The following SLFN12L variants were observed in gnomAD, a reference collection of about 807,000 sequenced individuals.
SLFN12L encodes schlafen family member 12 like, also known as schlafen family member 12-like.
SLFN12L carries 34 observed loss-of-function variants against 34.8 expected under a neutral mutation model. That is an observed-to-expected ratio of 0.98 (90% CI 0.74 to 1.30). SLFN12L has a LOEUF of 1.30. SLFN12L is among the 50% of genes most tolerant of loss of function. The pLI is 0.00. For missense variants in SLFN12L, 703 were observed against 696.2 expected, an observed-to-expected ratio of 1.01 and a Z score of -0.11; for synonymous variants, 259 against 247.5, an observed-to-expected ratio of 1.05 and a Z score of -0.44.
At position 35,526,821 on chromosome 17, in the gene SLFN12L, A is replaced by G. The variant is rs576683741; in HGVS notation, c.-605-3852T>C. Among the ~76,000 whole-genome samples the G allele has an allele frequency of 3.0e-4, 46 of 152,288 alleles. 1 individual carries two copies. The highest frequency in any genetic ancestry group is 2.5e-3 in the Admixed American group (38 of 15,294). Reference sequence around the variant, plus strand: ...GAACTAGAGAAGCGACAGCAAACAAATTCAAAAGCTAGCAGAAGACAAGAA... The same window carrying G: ...GAACTAGAGAAGCGACAGCAAACAAGTTCAAAAGCTAGCAGAAGACAAGAA... On this transcript the variant is annotated intron_variant, in intron 1 of 4. Transcript: ENST00000628453.
intron 2 of SLFN12L, among the ~76,000 whole-genome samples, chr17:35,506,701 A>C (rs1267741787): frequency 6.6e-6 from 1 of 152,206 alleles, no homozygotes; most frequent in Non-Finnish European, 1.5e-5. Flanking sequence ...CCAGTCTCTC[A>C]ATGTCACTTC....
At chr17:35,506,386 TA>T (rs1172081003) in intron 2 of SLFN12L, among the ~76,000 whole-genome samples, 1 of 152,134 alleles carries the variant, frequency 6.6e-6, no homozygotes, top group Non-Finnish European at 1.5e-5. Flanking sequence ...GGATAAAAAA[TA>T]AAAAGAATCC....
intron 1 of SLFN12L, among the ~76,000 whole-genome samples, chr17:35,525,197 T>C (rs1289465745): frequency 6.6e-6 from 1 of 151,902 alleles, no homozygotes; most frequent in Non-Finnish European, 1.5e-5. Flanking sequence ...CTCCAAGAAA[T>C]ATGGGACTAT....
chr17:35,532,882 T>TCAAAAA (rs2072425370), intron 1 of SLFN12L, among the ~76,000 whole-genome samples: 1 of 152,088 alleles, frequency 6.6e-6, no homozygotes, highest in African/African-American at 2.4e-5. Context: ...AGACCCTGTC[T>TCAAAAA]CAAAAACAAA....
Position 35,468,172 on chromosome 17 carries a change from A to G in SLFN12L, c.*6751T>C, listed in dbSNP as rs77353778. 6.6e-6 allele frequency among the ~76,000 whole-genome samples: 1 copy of G among 152,128 alleles called. No homozygotes were observed. The highest frequency in any genetic ancestry group is 2.1e-4 in the South Asian group (1 of 4,824). On this transcript the variant is annotated 3_prime_UTR_variant, in exon 5 of 5. Coordinates refer to ENST00000628453, the MANE Select transcript of SLFN12L (RefSeq NM_001363830.2). ...GCAATGCACCTGCTTTGGCCTCTCA[A>G]AGTGCTGGGATTACAGGCATGAGCT... is the stretch of plus-strand genomic sequence containing the variant.
At chr17:35,530,445 A>AAAGAAAGAAAGAAAGG (rs1567694222) in intron 1 of SLFN12L, among the ~76,000 whole-genome samples, 1 of 34,908 alleles carries the variant, frequency 2.9e-5, no homozygotes, top group African/African-American at 8.0e-5. Flanking sequence ...GGAAGGGAAG[A>AAAGAAAGAAAGAAAGG]AAGAAAGAAA....
At chr17:35,498,284 G>T in intron 2 of SLFN12L, 1 of 797,186 alleles carries the variant, frequency 1.3e-6, no homozygotes, top group Admixed American at 1.7e-5. Flanking sequence ...GGCAGTACGT[G>T]GACTCAGACG....
intron 2 of SLFN12L, among the ~76,000 whole-genome samples, chr17:35,518,651 G>A (rs930086196): frequency 6.6e-6 from 1 of 151,666 alleles, no homozygotes; most frequent in Non-Finnish European, 1.5e-5. Context: ...CAATGAGATA[G>A]CATCTCACAC....
intron 1 of SLFN12L, among the ~76,000 whole-genome samples, chr17:35,533,063 TTAA>T (rs1328533508): frequency 2.6e-5 from 4 of 152,198 alleles, no homozygotes; most frequent in Admixed American, 2.0e-4. Context: ...TCTTATCATC[TTAA>T]TAATATTACA....
chr17:35,492,606 G>C (rs1217474773), intron 2 of SLFN12L, among the ~76,000 whole-genome samples: 1 of 152,196 alleles, frequency 6.6e-6, no homozygotes, highest in Non-Finnish European at 1.5e-5. Flanking sequence ...GTTGGACCAA[G>C]GGAAGTTGGG....
At chr17:35,487,936 C>A (rs1914667150) in intron 2 of SLFN12L, 3 of 700,132 alleles carry the variant, frequency 4.3e-6, no homozygotes, top group Non-Finnish European at 7.8e-6. Context: ...ACGACGGGCG[C>A]GGTGACTCAC....
intron 2 of SLFN12L, chr17:35,490,121 G>A: frequency 1.2e-6 from 2 of 1,606,046 alleles, no homozygotes; most frequent in South Asian, 2.2e-5. Flanking sequence ...GCAGACCGCC[G>A]GCAACCTCCT....
At chr17:35,498,373 A>G in intron 2 of SLFN12L, 2 of 1,091,386 alleles carry the variant, frequency 1.8e-6, no homozygotes, top group Non-Finnish European at 2.8e-6. Context: ...AGAGAATCTC[A>G]TTGTGCCGAC....
intron 1 of SLFN12L, among the ~76,000 whole-genome samples, chr17:35,537,034 G>A (rs933488260): frequency 6.6e-6 from 1 of 151,978 alleles, no homozygotes; most frequent in Non-Finnish European, 1.5e-5. Context: ...AAATTAGCCA[G>A]GCACCCTCAC....
intron 2 of SLFN12L, among the ~76,000 whole-genome samples, chr17:35,517,969 T>G (rs1915883756): frequency 6.6e-6 from 1 of 152,228 alleles, no homozygotes. Flanking sequence ...GGCAATACCA[T>G]TCAGGACATA....
In SLFN12L at chr17:35,498,344, G is replaced by T. The variant is rs1230773217; in HGVS notation, c.87-18149C>A. ...TGCCACAGACTGCTGAAGAGTTGGC[G>T]GCCAATCTCACGGTACACAGAGAAT... On this transcript the variant is annotated intron_variant, in intron 2 of 4. Transcript: ENST00000628453. The T allele has an allele frequency of 6.2e-6, 6 of 962,968 alleles. No homozygotes were observed. In the African/African-American group the frequency reaches 9.6e-5, roughly 15 times the overall value. The allele number at this position is 962,968 out of a possible 1,614,324, so 59.7% of individuals were successfully genotyped here.
At position 35,498,831 on chromosome 17, in the gene SLFN12L, G is replaced by C. The variant is rs1915190175; in HGVS notation, c.87-18636C>G. ...TGATGTGCAGCCTGCCAAGACAACA[G>C]ACTAACAGCTGTATGCAAGTGGCAG... On this transcript the variant is annotated intron_variant, in intron 2 of 4. Coordinates refer to ENST00000628453, the MANE Select transcript of SLFN12L (RefSeq NM_001363830.2). The C allele has an allele frequency of 3.8e-6, 3 of 789,522 alleles. 1 individual carries two copies. Among genetic ancestry groups the C allele is most frequent in the South Asian group, 3.2e-5 (2 of 61,784 alleles). The allele number at this position is 789,522 out of a possible 1,614,324, so 48.9% of individuals were successfully genotyped here. A position where few individuals can be genotyped will look rare whatever the true frequency, so the allele number is the denominator to read the frequency against.
intron 3 of SLFN12L, 32 bp downstream of exon 3, chr17:35,479,085 G>A: frequency 6.7e-7 from 1 of 1,487,122 alleles, no homozygotes; most frequent in Non-Finnish European, 9.0e-7. Flanking sequence ...CCAAGCCAAA[G>A]GTATCCTTAT....
At chr17:35,493,298 T>A (rs1914914600) in intron 2 of SLFN12L, among the ~76,000 whole-genome samples, 1 of 151,802 alleles carries the variant, frequency 6.6e-6, no homozygotes, top group African/African-American at 2.4e-5. Flanking sequence ...CACTGTGGGG[T>A]TTTTCCTGTA....
Sources: gnomAD v4.1 joint callset for allele counts (sites outside exome capture counted in the v4.1 genomes callset) on GRCh38, gnomAD v4.1.1 for gene constraint, MANE v1.5 for transcripts, NCBI Gene and HGNC (gene_info 2026-07-23, HGNC 2026-07-21) for gene names.